Variants in VSX2 observed in about 807,000 individuals in gnomAD.
The protein encoded by VSX2 is visual system homeobox 2, also known as ceh-10 homeo domain containing homolog.
VSX2 carries 28 observed loss-of-function variants against 32.1 expected under a neutral mutation model. That is an observed-to-expected ratio of 0.87 (90% CI 0.65 to 1.20). The LOEUF (loss-of-function observed/expected upper bound fraction) is 1.20, where lower values mean the gene tolerates loss of function less well. VSX2 is among the 50% of genes most tolerant of loss of function. The pLI is 0.00. For synonymous variants in VSX2, 243 were observed against 214.1 expected (o/e 1.14, Z -1.18); for missense variants, 506 against 488.7 (o/e 1.04, Z -0.33).
intron 2 of VSX2, 24 bp downstream of exon 2, chr14:74,241,290 C>T (rs202056131): frequency 6.2e-7 from 1 of 1,607,982 alleles, no homozygotes; most frequent in African/African-American, 1.3e-5. Flanking sequence ...TTTCTGTTAC[C>T]TCTCCTGCCC....
intron 3 of VSX2, among the ~76,000 whole-genome samples, chr14:74,246,357 G>T (rs574132840): frequency 2.0e-5 from 3 of 152,180 alleles, no homozygotes; most frequent in Non-Finnish European, 2.9e-5. Context: ...GCCAAGTAAG[G>T]TGTGTGGGTT....
intron 3 of VSX2, among the ~76,000 whole-genome samples, chr14:74,247,744 G>A (rs752465370): frequency 6.6e-5 from 10 of 151,964 alleles, no homozygotes; most frequent in South Asian, 2.1e-4. Context: ...GAAGTCAGGC[G>A]GGGGACCTGT....
At chr14:74,244,973 TGTGTGTGTGAGA>T (rs1352463522) in intron 2 of VSX2, among the ~76,000 whole-genome samples, 180 bp from the exon 3 acceptor site, 9 of 67,522 alleles carry the variant, frequency 1.3e-4, no homozygotes, top group African/African-American at 3.6e-4. Context: ...TGTGTGTGTG[TGTGTGTGTGAGA>T]GAGAGAGAGA....
chr14:74,244,698 C>T (rs2079172462), intron 2 of VSX2, among the ~76,000 whole-genome samples: 1 of 151,876 alleles, frequency 6.6e-6, no homozygotes, highest in African/African-American at 2.4e-5. Flanking sequence ...TTCTGCTTTT[C>T]TAGAATGTCC....
chr14:74,247,501 G>A (rs971333690), intron 3 of VSX2, among the ~76,000 whole-genome samples: 15 of 152,308 alleles, frequency 9.8e-5, no homozygotes, highest in South Asian at 4.1e-4. Flanking sequence ...CAGCTCACTC[G>A]GTGTCAGATC....
rs2079317031 is a variant in VSX2 at position 74,262,707 on chromosome 14, A to T, written c.*1788A>T. The T allele has an allele frequency of 6.6e-6, 1 of 152,240 alleles. No individual in the cohort carries two copies. The highest frequency in any genetic ancestry group is 2.4e-5 in the African/African-American group (1 of 41,462). 9.4% of individuals were successfully genotyped at this position (152,240 alleles called of 1,614,324 possible). Reference sequence around the variant, plus strand: ...GATTTCTGTGCCATTTTCTGTAAAGATACAAGTAAGAATAAAATTGACTTA... The same window carrying T: ...GATTTCTGTGCCATTTTCTGTAAAGTTACAAGTAAGAATAAAATTGACTTA... On this transcript the variant is annotated 3_prime_UTR_variant, in exon 5 of 5. Coordinates refer to ENST00000261980, the MANE Select transcript of VSX2 (RefSeq NM_182894.3).
chr14:74,246,279 C>T (rs1467088690), intron 3 of VSX2, among the ~76,000 whole-genome samples: 2 of 152,148 alleles, frequency 1.3e-5, no homozygotes, highest in African/African-American at 2.4e-5. Context: ...CTGCTCTGCT[C>T]TGCGTCTCCT....
intron 3 of VSX2, among the ~76,000 whole-genome samples, chr14:74,254,077 C>G (rs2079246555): frequency 6.6e-6 from 1 of 152,106 alleles, no homozygotes; most frequent in East Asian, 1.9e-4. Context: ...TGTAGGTGTT[C>G]CCCTGTACTG....
At chr14:74,259,857 C>A (rs1412543113) in intron 4 of VSX2, 75 bp downstream of exon 4, 2 of 1,484,588 alleles carry the variant, frequency 1.3e-6, no homozygotes, top group African/African-American at 1.4e-5. Context: ...GGGACAGAGC[C>A]TTGAGGCAGG....
intron 3 of VSX2, among the ~76,000 whole-genome samples, chr14:74,255,059 C>T (rs915481337): frequency 2.0e-5 from 3 of 152,026 alleles, no homozygotes; most frequent in Non-Finnish European, 4.4e-5. Context: ...GGATTACAGG[C>T]GTGAACCACT....
In VSX2 at chr14:74,241,199, T is replaced by G; in HGVS notation, c.388T>G (p.Ser130Ala). The G allele has an allele frequency of 6.2e-7, 1 of 1,613,476 alleles. No homozygotes were observed. The highest frequency in any genetic ancestry group is 8.5e-7 in the Non-Finnish European group (1 of 1,179,986). Reference sequence around the variant, plus strand: ...CTTTTCAGATTCTGAAGATGTTTCCTCCAGCGATCGAAAAATGTCCAAATC... The same window carrying G: ...CTTTTCAGATTCTGAAGATGTTTCCGCCAGCGATCGAAAAATGTCCAAATC... The part of the protein sequence containing the change: ...TASSDSEDVS[S>A]SDRKMSKSAL... Residue 130 changes from serine to alanine, a missense_variant, in exon 2 of 5, where the codon TCC (serine) becomes GCC (alanine). Transcript: ENST00000261980.
In VSX2 at chr14:74,261,051, T is replaced by C; in HGVS notation, c.*132T>C. The stretch of plus-strand genomic sequence containing the variant: ...CTCCCTGTTCCCCACAGGTCCTCCA[T>C]CACCCCTGGTGGCTGCAGGCACCGC... On this transcript the variant is annotated 3_prime_UTR_variant, in exon 5 of 5. Transcript: ENST00000261980. 1 of 1,101,260 alleles carries C rather than the reference T, an allele frequency of 9.1e-7. No homozygotes were observed. The highest frequency in any genetic ancestry group is 2.6e-5 in the East Asian group (1 of 38,520). 68.2% of individuals were successfully genotyped at this position (1,101,260 alleles called of 1,614,324 possible).
At chr14:74,239,959 C>A in intron 1 of VSX2, 28 bp downstream of exon 1, 1 of 1,547,858 alleles carries the variant, frequency 6.5e-7, no homozygotes, top group Non-Finnish European at 8.7e-7. Flanking sequence ...GCGCTGCTGC[C>A]TGACTGGGGG....
chr14:74,241,107 T>C, intron 1 of VSX2, 75 bp from the exon 2 acceptor site: 2 of 1,496,730 alleles, frequency 1.3e-6, no homozygotes, highest in Non-Finnish European at 1.8e-6. Flanking sequence ...CAGCCCGGGG[T>C]GGGGCCCTCG....
Position 74,245,227 on chromosome 14 carries a change from C to T in VSX2, c.518C>T (p.Pro173Leu). 1.2e-6 allele frequency: 2 copies of T among 1,613,730 alleles called. No individual in the cohort carries two copies. Among genetic ancestry groups the T allele is most frequent in the Non-Finnish European group, 8.5e-7 (1 of 1,179,946 alleles). ...LEKAFNEAHY[P>L]DVYAREMLAM... ...AAGGCATTCAACGAAGCCCACTACC[C>T]AGACGTCTATGCCCGGGAGATGCTG... Residue 173 changes from proline (P) to leucine (L), a missense_variant, in exon 3 of 5, where the codon CCA becomes CTA. By Grantham distance (98) the Pro-to-Leu change is moderately conservative. Coordinates refer to ENST00000261980, the MANE Select transcript of VSX2 (RefSeq NM_182894.3).
intron 3 of VSX2, among the ~76,000 whole-genome samples, chr14:74,248,348 A>C (rs1336213693): frequency 2.2e-5 from 3 of 138,966 alleles, no homozygotes; most frequent in Non-Finnish European, 3.2e-5. Flanking sequence ...AAAAAAAAAA[A>C]AAACAAAAAA....
chr14:74,258,120 A>G lies in VSX2; in HGVS notation c.580-1482A>G, dbSNP rs182678313. Among the ~76,000 whole-genome samples, 1,046 of 152,140 alleles carry G rather than the reference A, an allele frequency of 6.9e-3. 14 individuals are homozygous for G. Among genetic ancestry groups the G allele is most frequent in the African/African-American group, 0.024 (994 of 41,526 alleles). On this transcript the variant is annotated intron_variant, in intron 3 of 4. Transcript: ENST00000261980. Reference sequence around the variant, plus strand: ...TTTTCCCCGTCTAATTAGTTAAATGAGAAGAGTTGGGGGTCCCCGGGGAAG... The same window carrying G: ...TTTTCCCCGTCTAATTAGTTAAATGGGAAGAGTTGGGGGTCCCCGGGGAAG...
At position 74,260,690 on chromosome 14, in the gene VSX2, A is replaced by G; in HGVS notation, c.857A>G (p.Asp286Gly). The change falls in exon 5 of 5, where the codon GAC becomes GGC. Residue 286 changes from aspartate to glycine, a missense_variant. By Grantham distance (94) the Asp-to-Gly change is moderately conservative. Coordinates refer to ENST00000261980, the MANE Select transcript of VSX2 (RefSeq NM_182894.3). Reference protein sequence around the residue: ...ALPKLDKMEQDERGPDAQAAI... With the variant: ...ALPKLDKMEQGERGPDAQAAI... ...CCCAAGCTCGACAAGATGGAGCAGGACGAGCGGGGCCCCGACGCTCAGGCG... is the reference window on the plus strand; with the variant it reads ...CCCAAGCTCGACAAGATGGAGCAGGGCGAGCGGGGCCCCGACGCTCAGGCG... 6.3e-7 allele frequency: 1 copy of G among 1,597,188 alleles called. No homozygotes were observed. The highest frequency in any genetic ancestry group is 1.1e-5 in the South Asian group (1 of 88,160).
chr14:74,256,557 T>C (rs938384198), intron 3 of VSX2, among the ~76,000 whole-genome samples: 1 of 152,152 alleles, frequency 6.6e-6, no homozygotes, highest in Non-Finnish European at 1.5e-5. Context: ...CTTATATTCA[T>C]GAACCAAACC....
Sources: allele counts gnomAD v4.1 joint callset (sites outside exome capture counted in the v4.1 genomes callset), GRCh38; gene constraint gnomAD v4.1.1; transcripts MANE v1.5; gene names NCBI Gene and HGNC (gene_info 2026-07-23, HGNC 2026-07-21).